The following PTDSS1 variants were observed in gnomAD, a reference collection of about 807,000 sequenced individuals.
PTDSS1 encodes PSS-1.
PTDSS1 carries 45 observed loss-of-function variants against 70.5 expected under a neutral mutation model. That is an observed-to-expected ratio of 0.64 (90% confidence interval 0.50 to 0.82). The LOEUF is 0.82. Among genes scored for constraint, PTDSS1 ranks in the 40% least tolerant of loss-of-function variants. The probability of loss-of-function intolerance (pLI) is 0.00; values close to 1 mark genes in which losing one functional copy is unlikely to be tolerated. For missense variants in PTDSS1, 417 were observed against 586.1 expected (o/e 0.71, Z 2.98); for synonymous variants, 188 against 203.8 (o/e 0.92, Z 0.66).
At chr8:96,292,034 A>G (rs1810914544) in intron 4 of PTDSS1, among the ~76,000 whole-genome samples, 1 of 152,106 alleles carries the variant, frequency 6.6e-6, no homozygotes, top group Admixed American at 6.5e-5. Flanking sequence ...TAATCACAGC[A>G]TTTTGGGAGG....
In PTDSS1 at chr8:96,262,343, A is replaced by G. The variant is rs1372561441; in HGVS notation, c.179+124A>G. 2 of 1,246,102 alleles carry G rather than the reference A, an allele frequency of 1.6e-6. No individual in the cohort carries two copies. The highest frequency in any genetic ancestry group is 1.5e-5 in the South Asian group (1 of 64,688). 77.2% of individuals were successfully genotyped at this position (1,246,102 alleles called of 1,614,324 possible). ...GAAGTGGGCTGGCTGCTCCACGCAC[A>G]CGCACTGGCAGCCCGCCGCCCACGC... On this transcript the variant is annotated intron_variant, in intron 1 of 12. Coordinates refer to ENST00000517309, the MANE Select transcript of PTDSS1 (RefSeq NM_014754.3). This position sits in a 1 kb window ranked among gnomAD's most constrained non-coding sequence, Gnocchi z 4.4.
At chr8:96,333,281 C>G (rs994346088) in intron 12 of PTDSS1, among the ~76,000 whole-genome samples, 176 bp from the exon 13 acceptor site, 1 of 152,256 alleles carries the variant, frequency 6.6e-6, no homozygotes, top group Admixed American at 6.5e-5. Context: ...GCGTGTGCTC[C>G]TTCAGTACTA....
chr8:96,275,906 T>G (rs1810634279), intron 2 of PTDSS1, among the ~76,000 whole-genome samples: 1 of 152,204 alleles, frequency 6.6e-6, no homozygotes, highest in Non-Finnish European at 1.5e-5. Context: ...TACTTTTCTC[T>G]TATTTCTCTT....
Position 96,270,171 on chromosome 8 carries a change from C to T in PTDSS1, c.180-3128C>T, listed in dbSNP as rs73271821. ...AATAGCTTGTACTTTGGGGCCAGAC[C>T]CTATCAGTAAAATGCAGATTATGAT... On this transcript the variant is annotated intron_variant, in intron 1 of 12. Transcript: ENST00000517309. 5.4e-3 allele frequency among the ~76,000 whole-genome samples: 825 copies of T among 152,136 alleles called. 7 individuals carry two copies. Among genetic ancestry groups the T allele is most frequent in the African/African-American group, 0.019 (773 of 41,486 alleles).
chr8:96,330,422 G>A (rs973231533), intron 11 of PTDSS1, 141 bp downstream of exon 11: 14 of 764,534 alleles, frequency 1.8e-5, no homozygotes, highest in Middle Eastern at 3.0e-4. Flanking sequence ...TGCAGAAACC[G>A]CATGTCACAA....
chr8:96,307,681 C>T (rs1031627160), intron 8 of PTDSS1, among the ~76,000 whole-genome samples: 27 of 152,128 alleles, frequency 1.8e-4, no homozygotes, highest in African/African-American at 6.5e-4. Flanking sequence ...TTTAGAGTCC[C>T]CATTTAAAAT....
At chr8:96,281,323 G>A (rs886274037) in intron 2 of PTDSS1, among the ~76,000 whole-genome samples, 1 of 152,190 alleles carries the variant, frequency 6.6e-6, no homozygotes, top group Admixed American at 6.5e-5. Context: ...GAGGCAATGG[G>A]CAGTTATGAC....
intron 10 of PTDSS1, among the ~76,000 whole-genome samples, chr8:96,326,726 G>T: frequency 6.6e-6 from 1 of 152,188 alleles, no homozygotes; most frequent in Non-Finnish European, 1.5e-5. Context: ...GAAACAATGT[G>T]GTCTGATCTG....
intron 8 of PTDSS1, 29 bp from the exon 9 acceptor site, chr8:96,309,528 C>G: frequency 1.2e-6 from 2 of 1,605,468 alleles, no homozygotes; most frequent in Non-Finnish European, 1.7e-6. Context: ...TCCAGCAGCT[C>G]TCAATGAATT....
chr8:96,318,902 C>CTTT (rs71267241), intron 9 of PTDSS1, among the ~76,000 whole-genome samples: 7,635 of 46,268 alleles, frequency 0.17, 2,433 homozygotes, highest in East Asian at 0.3. Context: ...CCCTTCTTGC[C>CTTT]TTTTTTTTTT....
At position 96,306,459 on chromosome 8, in the gene PTDSS1, A is replaced by T. The variant is rs1586200351; in HGVS notation, c.910A>T (p.Thr304Ser). 4.3e-6 allele frequency: 7 copies of T among 1,613,966 alleles called. No homozygotes were observed. In the Middle Eastern group the frequency reaches 6.6e-4, roughly 152 times the overall value. Residue 304 changes from threonine to serine, a missense_variant, in exon 8 of 13, where the codon ACC (threonine) becomes TCC (serine). Physicochemically the swap from Thr to Ser is moderately conservative, Grantham distance 58. Coordinates refer to ENST00000517309, the MANE Select transcript of PTDSS1 (RefSeq NM_014754.3). ...MIIWQLTELN[T>S]FFLKHIFVFQ... ...TCTTTTTCAGCTGACTGAGTTGAATACCTTCTTCTTGAAGCATATCTTTGT... is the reference window on the plus strand; with the variant it reads ...TCTTTTTCAGCTGACTGAGTTGAATTCCTTCTTCTTGAAGCATATCTTTGT...
chr8:96,287,373 C>T, intron 4 of PTDSS1: 3 of 519,296 alleles, frequency 5.8e-6, no homozygotes, highest in South Asian at 6.2e-5. Context: ...GAAGAATGCA[C>T]ACTTTATCGT....
chr8:96,304,431 G>A (rs1315160760), intron 7 of PTDSS1, among the ~76,000 whole-genome samples: 1 of 152,182 alleles, frequency 6.6e-6, no homozygotes, highest in Non-Finnish European at 1.5e-5. Context: ...TAGATTCCGT[G>A]AAATAATTTG....
intron 4 of PTDSS1, chr8:96,287,374 A>C (rs77785039): frequency 1.9e-6 from 1 of 516,076 alleles, no homozygotes; most frequent in East Asian, 3.3e-5. Flanking sequence ...AAGAATGCAC[A>C]CTTTATCGTC....
chr8:96,273,175 C>A, intron 1 of PTDSS1, 124 bp from the exon 2 acceptor site: 1 of 642,068 alleles, frequency 1.6e-6, no homozygotes, highest in Non-Finnish European at 2.7e-6. Flanking sequence ...TATTTCAGAA[C>A]CTATGTTCAA....
intron 2 of PTDSS1, among the ~76,000 whole-genome samples, chr8:96,278,968 C>T (rs927051053): frequency 3.4e-4 from 46 of 136,772 alleles, no homozygotes; most frequent in Admixed American, 8.6e-4. Flanking sequence ...ACCATTCAGC[C>T]CCCCTTTTTT....
chr8:96,265,740 CACTCGACAGAATGAG>C (rs1208023641), intron 1 of PTDSS1, among the ~76,000 whole-genome samples: 1 of 152,226 alleles, frequency 6.6e-6, no homozygotes, highest in Admixed American at 6.5e-5. Flanking sequence ...CCACCCTACT[CACTCGACAGAATGAG>C]ACCCTGTCTC....
At chr8:96,313,760 A>G (rs540803692) in intron 9 of PTDSS1, among the ~76,000 whole-genome samples, 17 of 152,250 alleles carry the variant, frequency 1.1e-4, no homozygotes, top group African/African-American at 4.1e-4. Flanking sequence ...CACCTCTGCT[A>G]ATGTGTCCAT....
At chr8:96,277,909 A>C (rs1810671952) in intron 2 of PTDSS1, among the ~76,000 whole-genome samples, 1 of 152,254 alleles carries the variant, frequency 6.6e-6, no homozygotes, top group African/African-American at 2.4e-5. Flanking sequence ...AAATGGCTTA[A>C]ACACTAAGGA....
Sources: gnomAD v4.1 joint callset for allele counts (sites outside exome capture counted in the v4.1 genomes callset) on GRCh38, gnomAD v4.1.1 for gene constraint, Gnocchi (gnomAD v3.1) non-coding constraint, MANE v1.5 for transcripts, NCBI Gene and HGNC (gene_info 2026-07-23, HGNC 2026-07-21) for gene names.